The following ENOX2 variants were observed in gnomAD, a reference collection of about 807,000 sequenced individuals.
ENOX2 encodes the protein ecto-NOX disulfide-thiol exchanger 2.
A neutral mutation model predicts 45.0 loss-of-function variants in ENOX2; 36 were observed. The ratio of observed to expected loss-of-function variants is 0.80; its 90% CI spans 0.61 to 1.06. The LOEUF (loss-of-function observed/expected upper bound fraction) is 1.06. Ranked by LOEUF, ENOX2 falls within the 50% of genes least tolerant of loss-of-function variation. The pLI is 0.00. For synonymous variants in ENOX2, 174 were observed against 152.3 expected (o/e 1.14, Z -1.05); for missense variants, 423 against 462.5 (o/e 0.91, Z 0.78).
intron 3 of ENOX2, among the ~76,000 whole-genome samples, chrX:130,770,550 C>T (rs781733805): frequency 9.9e-5 from 11 of 110,738 alleles, no homozygotes; most frequent in Admixed American, 9.6e-4. Context: ...TAAAAAGAAC[C>T]CTTACAAGTC....
At position 130,667,764 on chromosome X, in the gene ENOX2, A is replaced by T. The variant is rs185502537; in HGVS notation, c.695-22T>A. 852 of 1,150,482 alleles carry T rather than the reference A, an allele frequency of 7.4e-4. 5 individuals carry two copies. The African/African-American group carries it at 0.014, about 19-fold the overall frequency. The allele number at this position is 1,150,482 out of a possible 1,213,427, so 94.8% of individuals were successfully genotyped here. Reference sequence around the variant, plus strand: ...TCATCTGAAAAAAATATATTTTTATAACCAACAAAGGTAACCAAATTTTGA... The same window carrying T: ...TCATCTGAAAAAAATATATTTTTATTACCAACAAAGGTAACCAAATTTTGA... On this transcript the variant is annotated intron_variant, in intron 7 of 14. Transcript: ENST00000394363.
At chrX:130,732,612 C>T (rs1388449881) in intron 3 of ENOX2, among the ~76,000 whole-genome samples, 3 of 110,913 alleles carry the variant, frequency 2.7e-5, no homozygotes, top group South Asian at 7.6e-4. Flanking sequence ...ATTACAAAGT[C>T]GAAGTAATCA....
chrX:130,764,612 C>A (rs2039573514), intron 3 of ENOX2, among the ~76,000 whole-genome samples: 1 of 110,040 alleles, frequency 9.1e-6, no homozygotes, highest in South Asian at 3.8e-4. Flanking sequence ...AGCTAACAGA[C>A]TTGCAGATCC....
intron 3 of ENOX2, among the ~76,000 whole-genome samples, chrX:130,752,723 T>C (rs1406913189): frequency 9.0e-6 from 1 of 111,096 alleles, no homozygotes; most frequent in Non-Finnish European, 1.9e-5. Flanking sequence ...TTTGTCTATC[T>C]CCTCATCTCT....
intron 6 of ENOX2, among the ~76,000 whole-genome samples, chrX:130,671,264 T>C (rs1367388795): frequency 8.9e-6 from 1 of 112,146 alleles, no homozygotes; most frequent in African/African-American, 3.2e-5. Flanking sequence ...AAAATATGGA[T>C]AAAATATATG....
At chrX:130,731,657 ACAT>A (rs1469410231) in intron 3 of ENOX2, among the ~76,000 whole-genome samples, 1 of 112,222 alleles carries the variant, frequency 8.9e-6, no homozygotes, top group Non-Finnish European at 1.9e-5. Context: ...AAAAGATCAC[ACAT>A]CATGATCAAA....
chrX:130,673,359 G>A (rs906176429), intron 6 of ENOX2, among the ~76,000 whole-genome samples: 2 of 109,422 alleles, frequency 1.8e-5, no homozygotes, highest in East Asian at 5.8e-4. Context: ...ATTCTGAAAC[G>A]ACAAAGAATT....
chrX:130,660,366 A>C (rs2036656566), intron 9 of ENOX2, among the ~76,000 whole-genome samples: 1 of 112,119 alleles, frequency 8.9e-6, no homozygotes, highest in Non-Finnish European at 1.9e-5. Context: ...AATTCTTTGA[A>C]AATCTTTCCC....
At chrX:130,772,598 C>T (rs1411086337) in intron 3 of ENOX2, among the ~76,000 whole-genome samples, 1 of 111,916 alleles carries the variant, frequency 8.9e-6, no homozygotes, top group Non-Finnish European at 1.9e-5. Flanking sequence ...GTCACACAAG[C>T]CTCTTGCCAG....
rs368102335 is a variant in ENOX2 at position 130,743,638 on chromosome X, A to AT, written c.-39+39908dup. Among the ~76,000 whole-genome samples, 871 of 103,761 alleles carry AT rather than the reference A, an allele frequency of 8.4e-3. 3 individuals carry two copies. Among genetic ancestry groups the AT allele is most frequent in the Middle Eastern group, 0.029 (6 of 204 alleles). The allele number at this position is 103,761 out of a possible 115,157, so 90.1% of individuals were successfully genotyped here. A position where few individuals can be genotyped will look rare whatever the true frequency, so the allele number is the denominator to read the frequency against. On this transcript the variant is annotated intron_variant, in intron 3 of 14. Coordinates refer to ENST00000394363, the MANE Select transcript of ENOX2 (RefSeq NM_006375.4). Reference sequence around the variant, plus strand: ...AGGCATCTGCCACCACACCTGGCTAATTTTTTTTTTTTGGTATTTTTAGTA... The same window carrying AT: ...AGGCATCTGCCACCACACCTGGCTAATTTTTTTTTTTTTGGTATTTTTAGTA...
chrX:130,880,063 C>T (rs2078780358), intron 2 of ENOX2, among the ~76,000 whole-genome samples: 1 of 111,677 alleles, frequency 9.0e-6, no homozygotes, highest in South Asian at 3.7e-4. Context: ...CTAGGCAGTT[C>T]AGTGAGGTTG....
intron 2 of ENOX2, among the ~76,000 whole-genome samples, chrX:130,860,083 G>A (rs2078385677): frequency 9.0e-6 from 1 of 110,658 alleles, no homozygotes; most frequent in Non-Finnish European, 1.9e-5. Flanking sequence ...AGCCTCCTGA[G>A]TAGCTGGGAT....
At position 130,625,432 on chromosome X, in the gene ENOX2, T is replaced by A; in HGVS notation, c.1628A>T (p.Asp543Val). 8.3e-7 allele frequency: 1 copy of A among 1,209,194 alleles called. No individual in the cohort carries two copies. Among genetic ancestry groups the A allele is most frequent in the South Asian group, 1.8e-5 (1 of 56,387 alleles). The change falls in exon 15 of 15, where the codon GAT (aspartate) becomes GTT (valine). Residue 543 changes from aspartate (D) to valine (V), a missense_variant. This residue lies in a region of ENOX2 where 34 missense variants were observed against 31.3 expected (regional missense o/e 1.09). Coordinates refer to ENST00000394363, the MANE Select transcript of ENOX2 (RefSeq NM_006375.4). ...HRLDNKICTSDVECLMGRLQH... is the reference protein window; with the variant it reads ...HRLDNKICTSVVECLMGRLQH... ...GAGTCTACCCATGAGACACTCCACA[T>A]CGCTGGTGCAGATCTGTGGGACAGA...
chrX:130,697,682 C>T (rs1316520673), intron 4 of ENOX2, among the ~76,000 whole-genome samples: 2 of 111,676 alleles, frequency 1.8e-5, no homozygotes, highest in East Asian at 2.8e-4. Context: ...ACCTTCATAC[C>T]GGCAGGCTTC....
At position 130,688,329 on chromosome X, in the gene ENOX2, G is replaced by A. The variant is rs5977345; in HGVS notation, c.253+534C>T. Among the ~76,000 whole-genome samples the A allele has an allele frequency of 6.5e-3, 731 of 112,250 alleles. 9 individuals are homozygous for A. Among genetic ancestry groups the A allele is most frequent in the African/African-American group, 0.022 (693 of 30,939 alleles). Reference sequence around the variant, plus strand: ...TACTTCCACATGAACTGCATTGACTGGTGGCTATGAGTAGTGTGACTTAGT... The same window carrying A: ...TACTTCCACATGAACTGCATTGACTAGTGGCTATGAGTAGTGTGACTTAGT... On this transcript the variant is annotated intron_variant, in intron 5 of 14. Transcript: ENST00000394363.
At chrX:130,629,958 C>T (rs900263895) in intron 13 of ENOX2, among the ~76,000 whole-genome samples, 1 of 112,157 alleles carries the variant, frequency 8.9e-6, no homozygotes, top group Non-Finnish European at 1.9e-5. Context: ...TTACTATGGG[C>T]CAGGCACTAT....
chrX:130,659,387 C>T (rs2036627080), intron 9 of ENOX2, among the ~76,000 whole-genome samples: 1 of 111,563 alleles, frequency 9.0e-6, no homozygotes, highest in Non-Finnish European at 1.9e-5. Context: ...CTAACATAGA[C>T]TCTCCCATGT....
chrX:130,900,110 T>C (rs2079120566), intron 2 of ENOX2, among the ~76,000 whole-genome samples: 2 of 112,052 alleles, frequency 1.8e-5, no homozygotes, highest in African/African-American at 6.5e-5. Flanking sequence ...AATCTGATCG[T>C]GGTGCTCTTC....
intron 2 of ENOX2, among the ~76,000 whole-genome samples, chrX:130,813,987 C>A (rs1197374752): frequency 8.9e-6 from 1 of 112,331 alleles, no homozygotes; most frequent in African/African-American, 3.2e-5. Context: ...AAGCTAAGAT[C>A]CACTGGCTTG....
Sources: allele counts gnomAD v4.1 joint callset (sites outside exome capture counted in the v4.1 genomes callset), GRCh38; gene constraint gnomAD v4.1.1; regional missense constraint gnomAD v4.1.1; transcripts MANE v1.5; gene names NCBI Gene and HGNC (gene_info 2026-07-23, HGNC 2026-07-21).